The following GP6 variants were observed in gnomAD, a reference collection of about 807,000 sequenced individuals.
The protein encoded by GP6 is glycoprotein VI platelet, also known as platelet glycoprotein VI.
Under a neutral mutation model 37.3 loss-of-function variants are expected in GP6, and 45 were observed. The ratio of observed to expected loss-of-function variants is 1.21; its 90% CI spans 0.95 to 1.55. The LOEUF is 1.55. GP6 is among the 40% of genes most tolerant of loss of function. The probability of loss-of-function intolerance (pLI) is 0.00; values close to 1 mark genes in which losing one functional copy is unlikely to be tolerated. For missense variants in GP6, 813 were observed against 760.2 expected, an observed-to-expected ratio of 1.07 and a Z score of -0.82; for synonymous variants, 340 against 316.4, an observed-to-expected ratio of 1.07 and a Z score of -0.79.
intron 3 of GP6, among the ~76,000 whole-genome samples, chr19:55,029,846 G>A (rs1025330221): frequency 1.1e-4 from 6 of 52,916 alleles, no homozygotes; most frequent in Non-Finnish European, 1.7e-4. Context: ...AGGCAGCCAG[G>A]CTGGTCCATT....
intron 3 of GP6, 69 bp from the exon 4 acceptor site, chr19:55,027,931 C>CTA (rs2074375892): frequency 1.3e-6 from 2 of 1,493,012 alleles, no homozygotes; most frequent in African/African-American, 2.8e-5. Flanking sequence ...GGGAGGTCCC[C>CTA]ACACCTGCCT....
At chr19:55,015,505 C>G (rs1256094958) in intron 7 of GP6, among the ~76,000 whole-genome samples, 178 bp downstream of exon 7, 1 of 152,178 alleles carries the variant, frequency 6.6e-6, no homozygotes, top group Non-Finnish European at 1.5e-5. Context: ...TTTAAAATCT[C>G]AACCTTCCCA....
intron 4 of GP6, among the ~76,000 whole-genome samples, chr19:55,025,655 G>C (rs2074271919): frequency 6.6e-6 from 1 of 151,886 alleles, no homozygotes; most frequent in African/African-American, 2.4e-5. Flanking sequence ...GCAGTGATCT[G>C]AGATCGCACC....
chr19:55,027,678 C>T lies in GP6; in HGVS notation c.510G>A (p.Val170=), dbSNP rs1568622668. The stretch of plus-strand genomic sequence containing the variant: ...GGTAGGTTCCGCTGTGGGCGGCGGT[C>T]ACCGTGATGATGGGAAAACTAGCCC... The change falls in exon 4 of 8, where the codon GTG becomes GTA. Residue 170 remains valine, a synonymous_variant. Coordinates refer to ENST00000310373, the MANE Select transcript of GP6 (RefSeq NM_001083899.2). The T allele has an allele frequency of 6.2e-7, 1 of 1,612,892 alleles. No homozygotes were observed. The highest frequency in any genetic ancestry group is 1.1e-5 in the South Asian group (1 of 91,054).
chr19:55,018,587 T>C (rs961085914), intron 6 of GP6, 65 bp downstream of exon 6: 22 of 919,876 alleles, frequency 2.4e-5, no homozygotes, highest in Non-Finnish European at 4.0e-5. Context: ...CAGGCTTAGA[T>C]AATGGAAGAG....
chr19:55,015,619 G>A, intron 7 of GP6, 64 bp downstream of exon 7: 1 of 964,440 alleles, frequency 1.0e-6, no homozygotes, highest in Non-Finnish European at 1.7e-6. Context: ...CGTAGACAAA[G>A]GAGTTGGCTT....
chr19:55,036,967 T>C (rs1343729524), intron 1 of GP6, among the ~76,000 whole-genome samples: 2 of 152,138 alleles, frequency 1.3e-5, no homozygotes, highest in African/African-American at 4.8e-5. Context: ...GCTGAGATCA[T>C]GCCATTGCAT....
At chr19:55,020,067 G>T (rs1218764130) in intron 5 of GP6, among the ~76,000 whole-genome samples, 2 of 151,584 alleles carry the variant, frequency 1.3e-5, no homozygotes, top group Non-Finnish European at 2.9e-5. Context: ...TGTTGCAGTG[G>T]GTACTATCCT....
chr19:55,024,289 T>TGCACAC, intron 5 of GP6, among the ~76,000 whole-genome samples: 67 of 102,002 alleles, frequency 6.6e-4, no homozygotes, highest in Admixed American at 1.4e-3. Context: ...CACACACACA[T>TGCACAC]ATGCACGCAT....
At chr19:55,023,551 CAT>C (rs934197435) in intron 5 of GP6, among the ~76,000 whole-genome samples, 4 of 152,202 alleles carry the variant, frequency 2.6e-5, no homozygotes, top group Non-Finnish European at 5.9e-5. Flanking sequence ...GCTCCCACCA[CAT>C]GAGACAGCTA....
At chr19:55,026,738 T>C (rs546164814) in intron 4 of GP6, among the ~76,000 whole-genome samples, 47 of 152,048 alleles carry the variant, frequency 3.1e-4, no homozygotes, top group Non-Finnish European at 6.0e-4. Context: ...ATACAAAAAT[T>C]GGCCGGGCAT....
intron 3 of GP6, among the ~76,000 whole-genome samples, chr19:55,031,066 T>G (rs1400469328): frequency 6.6e-6 from 1 of 152,100 alleles, no homozygotes; most frequent in African/African-American, 2.4e-5. Context: ...CAGGCTGGTC[T>G]TGAACTCCTG....
intron 1 of GP6, 23 bp downstream of exon 1, chr19:55,038,180 C>G: frequency 6.4e-7 from 1 of 1,571,162 alleles, no homozygotes; most frequent in Non-Finnish European, 8.7e-7. Context: ...CAGCATTTCC[C>G]AGATCTGACC....
intron 4 of GP6, among the ~76,000 whole-genome samples, chr19:55,025,996 C>T (rs2886414): frequency 0.77 from 101,249 of 131,314 alleles, 39,134 homozygotes; most frequent in Middle Eastern, 0.85. Flanking sequence ...AGTGAGACTC[C>T]CCCCAAAAAA....
In GP6 at chr19:55,027,828, G is replaced by A. The variant is rs375405887; in HGVS notation, c.360C>T (p.Pro120=). The change falls in exon 4 of 8, where the codon CCC becomes CCT. Residue 120 remains proline, a synonymous_variant. Coordinates refer to ENST00000310373, the MANE Select transcript of GP6 (RefSeq NM_001083899.2). ...CCCCTCCTGACGACACCGCCGGGCCGGGCTGGGCTGAGAGCGAGGGTTTGG... is the reference window on the plus strand; with the variant it reads ...CCCCTCCTGACGACACCGCCGGGCCAGGCTGGGCTGAGAGCGAGGGTTTGG... 195 of 1,613,972 alleles carry A rather than the reference G, an allele frequency of 1.2e-4. No homozygotes were observed. Among genetic ancestry groups the A allele is most frequent in the Admixed American group, 1.7e-4 (10 of 60,004 alleles).
rs775074233 is a variant in GP6 at position 55,014,815 on chromosome 19, T to C, written c.1130A>G (p.Gln377Arg). 4.8e-5 allele frequency: 78 copies of C among 1,614,028 alleles called. No homozygotes were observed. The South Asian group carries it at 5.8e-4, about 12-fold the overall frequency. Residue 377 changes from glutamine to arginine, a missense_variant, in exon 8 of 8, where the codon CAG becomes CGG. Gln to Arg is a conservative substitution (Grantham distance 43). Coordinates refer to ENST00000310373, the MANE Select transcript of GP6 (RefSeq NM_001083899.2). Reference sequence around the variant, plus strand: ...GGCAGCATGGCCTCGTTTCCACAGCTGTAGCCTCTGCCCTCCTGCTTCCAC... The same window carrying C: ...GGCAGCATGGCCTCGTTTCCACAGCCGTAGCCTCTGCCCTCCTGCTTCCAC...
intron 1 of GP6, among the ~76,000 whole-genome samples, chr19:55,036,136 TA>T (rs1436995981): frequency 3.3e-5 from 5 of 150,448 alleles, no homozygotes; most frequent in Non-Finnish European, 7.4e-5. Flanking sequence ...TTATTCTAAG[TA>T]AAGTAATACA....
chr19:55,029,795 C>T (rs888524454), intron 3 of GP6, among the ~76,000 whole-genome samples: 3 of 150,564 alleles, frequency 2.0e-5, no homozygotes, highest in Non-Finnish European at 4.4e-5. Flanking sequence ...ATATACTTAG[C>T]GAGAAGAGAG....
rs116540686 is a variant in GP6, at chr19:55,024,049, C to A, written c.664+1169G>T. ...CGGTGATGGTGACGCGAATCTACAA[C>A]TGTGACAAATTGGCATAGAACTAGA... On this transcript the variant is annotated intron_variant, in intron 5 of 7. Transcript: ENST00000310373. Among the ~76,000 whole-genome samples the A allele has an allele frequency of 7.4e-3, 1,130 of 152,296 alleles. 13 individuals carry two copies. The highest frequency in any genetic ancestry group is 0.026 in the African/African-American group (1,090 of 41,540).
Sources: gnomAD v4.1 joint callset for allele counts (sites outside exome capture counted in the v4.1 genomes callset) on GRCh38, gnomAD v4.1.1 for gene constraint, MANE v1.5 for transcripts, NCBI Gene and HGNC (gene_info 2026-07-23, HGNC 2026-07-21) for gene names.